The following SAMD5 variants were observed in gnomAD, a reference collection of about 807,000 sequenced individuals.
The protein encoded by SAMD5 is sterile alpha motif domain-containing protein 5.
Under a neutral mutation model 11.3 loss-of-function variants are expected in SAMD5, and 13 were observed. That is an observed-to-expected ratio of 1.15 (90% confidence interval 0.75 to 1.83). The LOEUF (loss-of-function observed/expected upper bound fraction) is 1.83. Among genes scored for constraint, SAMD5 ranks in the 40% most tolerant of loss-of-function variants. The pLI, the probability that SAMD5 is intolerant of heterozygous loss-of-function variation, is 0.00. For synonymous variants in SAMD5, 129 were observed against 111.3 expected (o/e 1.16, Z -1.00); for missense variants, 255 against 239.1 (o/e 1.07, Z -0.44).
rs538827146 is a variant in SAMD5 at position 147,509,898 on chromosome 6, C to A, written c.459+511C>A. On this transcript the variant is annotated intron_variant, in intron 1 of 1. Transcript: ENST00000367474. ...TTCTCAATTCCATAAAAAATCCCAG[C>A]GCTGCTGCAAATTTGAGAAGCTTAC... 3.9e-5 allele frequency among the ~76,000 whole-genome samples: 6 copies of A among 152,254 alleles called. No individual in the cohort carries two copies. The South Asian group carries it at 1.2e-3, about 32-fold the overall frequency.
At chr6:147,912,674 T>A in the SAMD5 span, among the ~76,000 whole-genome samples, 4 of 152,172 alleles carry the variant, frequency 2.6e-5, no homozygotes, top group Admixed American at 6.5e-5. Flanking sequence ...TATCTAGATG[T>A]CCAAGCATAG....
At chr6:147,662,533 C>G (rs1051292687) in intron 1 of SAMD5, among the ~76,000 whole-genome samples, 2 of 152,152 alleles carry the variant, frequency 1.3e-5, no homozygotes, top group African/African-American at 2.4e-5. Flanking sequence ...AACCAAGGAA[C>G]CTGGTCATGG....
At chr6:147,554,430 G>C (rs1562319184) in intron 1 of SAMD5, among the ~76,000 whole-genome samples, 1 of 152,248 alleles carries the variant, frequency 6.6e-6, no homozygotes, top group African/African-American at 2.4e-5. Flanking sequence ...GTCGTGGCCA[G>C]TGGAGGCCAG....
chr6:147,688,381 A>G (rs1328611156), intron 1 of SAMD5, among the ~76,000 whole-genome samples: 3 of 152,108 alleles, frequency 2.0e-5, no homozygotes, highest in African/African-American at 7.2e-5. Flanking sequence ...ATAATTTGAG[A>G]TTCTCAGTGA....
At chr6:147,765,550 A>G in the SAMD5 span, among the ~76,000 whole-genome samples, 1 of 152,248 alleles carries the variant, frequency 6.6e-6, no homozygotes. Context: ...CTTTTAACAA[A>G]CATTACTGAA....
At chr6:147,838,893 G>A in the SAMD5 span, among the ~76,000 whole-genome samples, 38 of 152,340 alleles carry the variant, frequency 2.5e-4, no homozygotes, top group East Asian at 3.9e-4. Flanking sequence ...CAGGAGGCCT[G>A]AAGCATGTGC....
intron 1 of SAMD5, among the ~76,000 whole-genome samples, chr6:147,585,107 TCTTA>T (rs1789355496): frequency 6.6e-6 from 1 of 152,142 alleles, no homozygotes; most frequent in African/African-American, 2.4e-5. Context: ...CATGAGCCAC[TCTTA>T]CTTATGAGAG....
chr6:147,881,639 A>G, the SAMD5 span, among the ~76,000 whole-genome samples: 2 of 152,284 alleles, frequency 1.3e-5, no homozygotes, highest in Admixed American at 1.3e-4. Context: ...ACAGCACACA[A>G]TAGCTGCTGG....
chr6:147,675,309 C>G (rs551013091), intron 1 of SAMD5, among the ~76,000 whole-genome samples: 1 of 152,232 alleles, frequency 6.6e-6, no homozygotes, highest in South Asian at 2.1e-4. Context: ...CCTGGGCTTC[C>G]TTTAGAATTG....
the SAMD5 span, among the ~76,000 whole-genome samples, chr6:147,911,515 C>T: frequency 6.6e-6 from 1 of 152,244 alleles, no homozygotes; most frequent in Non-Finnish European, 1.5e-5. Context: ...CCCTGCTCCA[C>T]ACTCCTGAGA....
chr6:147,839,783 A>T, the SAMD5 span, among the ~76,000 whole-genome samples: 1 of 152,210 alleles, frequency 6.6e-6, no homozygotes, highest in Non-Finnish European at 1.5e-5. Flanking sequence ...CATGGATAGT[A>T]TTCTCATGGA....
At chr6:147,660,778 C>G (rs1276195683) in intron 1 of SAMD5, 1 of 152,222 alleles carries the variant, frequency 6.6e-6, no homozygotes, top group Non-Finnish European at 1.5e-5. Flanking sequence ...TGAAAATTTT[C>G]TGAGGCCTCC....
the SAMD5 span, among the ~76,000 whole-genome samples, chr6:147,799,376 T>C: frequency 6.6e-6 from 1 of 152,096 alleles, no homozygotes; most frequent in Non-Finnish European, 1.5e-5. Flanking sequence ...TTCTTTTCTT[T>C]AAAAATGTTG....
the SAMD5 span, among the ~76,000 whole-genome samples, chr6:147,797,818 T>C: frequency 2.5e-4 from 38 of 149,770 alleles, no homozygotes; most frequent in African/African-American, 8.5e-4. Flanking sequence ...TGTCGAGGAA[T>C]GTATCCATTT....
chr6:147,527,991 G>T (rs191413702), intron 1 of SAMD5, among the ~76,000 whole-genome samples: 1 of 152,146 alleles, frequency 6.6e-6, no homozygotes, highest in East Asian at 1.9e-4. Flanking sequence ...GCGCGTACGG[G>T]GAGGTGCCAT....
chr6:147,696,079 G>C (rs1258625148), intron 1 of SAMD5, among the ~76,000 whole-genome samples: 1 of 152,112 alleles, frequency 6.6e-6, no homozygotes, highest in Non-Finnish European at 1.5e-5. Flanking sequence ...GATGTATGTA[G>C]TGGCAGACCA....
chr6:147,942,552 A>C, the SAMD5 span, among the ~76,000 whole-genome samples: 1 of 152,180 alleles, frequency 6.6e-6, no homozygotes, highest in Non-Finnish European at 1.5e-5. Flanking sequence ...TCAAGCTGTG[A>C]ACTACTGAAG....
chr6:147,875,954 A>C, the SAMD5 span, among the ~76,000 whole-genome samples: 2 of 152,156 alleles, frequency 1.3e-5, no homozygotes. Flanking sequence ...AATGTAAGGC[A>C]CTTGAATCAT....
the SAMD5 span, among the ~76,000 whole-genome samples, chr6:147,822,113 A>G: frequency 1.3e-5 from 2 of 152,212 alleles, no homozygotes; most frequent in African/African-American, 4.8e-5. Flanking sequence ...GTAAGACTAG[A>G]CCAAATATAC....
Sources: gnomAD v4.1 joint callset for allele counts (sites outside exome capture counted in the v4.1 genomes callset) on GRCh38, gnomAD v4.1.1 for gene constraint, MANE v1.5 for transcripts, NCBI Gene and HGNC (gene_info 2026-07-23, HGNC 2026-07-21) for gene names.